Variants in HEMK2 observed in about 807,000 individuals in gnomAD.
HEMK2 encodes the protein HemK methyltransferase 2, ETF1 glutamine and histone H4 lysine, also known as methyltransferase HEMK2.
the HEMK2 span, among the ~76,000 whole-genome samples, chr21:28,644,076 A>C: frequency 6.6e-6 from 1 of 152,182 alleles, no homozygotes; most frequent in African/African-American, 2.4e-5. Context: ...ATCTGTTCTC[A>C]CATTACTATA....
At chr21:28,718,385 A>G in the HEMK2 span, among the ~76,000 whole-genome samples, 229 of 152,302 alleles carry the variant, frequency 1.5e-3, no homozygotes, top group African/African-American at 4.9e-3. Context: ...AATGAGAAGA[A>G]TGTATATTCT....
At chr21:28,657,967 T>G in the HEMK2 span, among the ~76,000 whole-genome samples, 1 of 151,990 alleles carries the variant, frequency 6.6e-6, no homozygotes, top group Non-Finnish European at 1.5e-5. Flanking sequence ...ACCTCAAATT[T>G]TGAATAAATG....
At chr21:28,688,774 C>T in the HEMK2 span, among the ~76,000 whole-genome samples, 1 of 152,070 alleles carries the variant, frequency 6.6e-6, no homozygotes, top group South Asian at 2.1e-4. Context: ...ATTTTGTTTA[C>T]TTTTATATAA....
At chr21:28,756,524 A>C in the HEMK2 span, among the ~76,000 whole-genome samples, 8 of 152,266 alleles carry the variant, frequency 5.3e-5, no homozygotes, top group East Asian at 1.2e-3. Flanking sequence ...CTCACCTTGT[A>C]TTATAAAACA....
the HEMK2 span, among the ~76,000 whole-genome samples, chr21:28,609,563 C>T: frequency 9.2e-6 from 1 of 109,268 alleles, no homozygotes; most frequent in South Asian, 2.8e-4. Context: ...CTCTGAATTG[C>T]CAGGAAAAAA....
the HEMK2 span, among the ~76,000 whole-genome samples, chr21:28,831,481 A>G: frequency 1.8e-5 from 1 of 55,912 alleles, no homozygotes; most frequent in Non-Finnish European, 3.3e-5. Flanking sequence ...GAAAGAAAGA[A>G]AGAAAGAAAG....
At chr21:28,728,090 G>T in the HEMK2 span, among the ~76,000 whole-genome samples, 1 of 152,176 alleles carries the variant, frequency 6.6e-6, no homozygotes, top group Non-Finnish European at 1.5e-5. Context: ...TCCAGAACTA[G>T]AAAATAATAA....
At chr21:28,877,140 A>G in the HEMK2 span, among the ~76,000 whole-genome samples, 29 of 114,450 alleles carry the variant, frequency 2.5e-4, no homozygotes, top group African/African-American at 8.2e-4. Context: ...AAGAGAAGAG[A>G]AGAGAGAGAG....
chr21:28,673,949 A>G, the HEMK2 span, among the ~76,000 whole-genome samples: 2 of 152,182 alleles, frequency 1.3e-5, no homozygotes, highest in Non-Finnish European at 2.9e-5. Context: ...TCTTAAATAG[A>G]AGCTGGGTAA....
the HEMK2 span, among the ~76,000 whole-genome samples, chr21:28,855,749 C>T: frequency 1.3e-5 from 2 of 152,188 alleles, no homozygotes. Flanking sequence ...ATTAAACAAT[C>T]TGCTTCTGAA....
At chr21:28,874,758 T>A in the HEMK2 span, 2 of 152,264 alleles carry the variant, frequency 1.3e-5, no homozygotes, top group Non-Finnish European at 2.9e-5. Context: ...ACATACTTCA[T>A]CTCCAAATTT....
the HEMK2 span, among the ~76,000 whole-genome samples, chr21:28,784,413 T>G: frequency 1.3e-5 from 2 of 151,818 alleles, no homozygotes; most frequent in Non-Finnish European, 2.9e-5. Flanking sequence ...ATCAGTGCTC[T>G]GTGTCTAGCT....
At chr21:28,774,799 C>T in the HEMK2 span, among the ~76,000 whole-genome samples, 1 of 152,096 alleles carries the variant, frequency 6.6e-6, no homozygotes, top group Admixed American at 6.6e-5. Context: ...TTTGAATCTA[C>T]ATTATGTATT....
the HEMK2 span, among the ~76,000 whole-genome samples, chr21:28,642,874 G>A: frequency 5.3e-5 from 8 of 152,122 alleles, no homozygotes; most frequent in South Asian, 4.1e-4. Context: ...TTGCTCTGCC[G>A]GCTAATGTCT....
At chr21:28,777,730 T>C in the HEMK2 span, among the ~76,000 whole-genome samples, 3 of 152,200 alleles carry the variant, frequency 2.0e-5, no homozygotes, top group Admixed American at 2.0e-4. Flanking sequence ...AAAAACATTC[T>C]TGTCCTCCAA....
chr21:28,688,684 C>G, the HEMK2 span, among the ~76,000 whole-genome samples: 3 of 152,202 alleles, frequency 2.0e-5, no homozygotes, highest in South Asian at 6.2e-4. Flanking sequence ...CAGATATGTA[C>G]ACTACAGATG....
chr21:28,697,511 C>T, the HEMK2 span, among the ~76,000 whole-genome samples: 1 of 152,198 alleles, frequency 6.6e-6, no homozygotes, highest in African/African-American at 2.4e-5. Context: ...ATCTGCCTGT[C>T]TTCTTCTGAG....
At chr21:28,644,394 G>A in the HEMK2 span, among the ~76,000 whole-genome samples, 1 of 152,040 alleles carries the variant, frequency 6.6e-6, no homozygotes, top group African/African-American at 2.4e-5. Context: ...CACAATTCCA[G>A]GTAAGATTTT....
the HEMK2 span, among the ~76,000 whole-genome samples, chr21:28,728,597 T>C: frequency 6.6e-6 from 1 of 152,104 alleles, no homozygotes; most frequent in African/African-American, 2.4e-5. Context: ...GGTGGAAAAG[T>C]ATTAGCTTAA....
Sources: gnomAD v4.1 joint callset for allele counts (sites outside exome capture counted in the v4.1 genomes callset) on GRCh38, gnomAD v4.1.1 for gene constraint, MANE v1.5 for transcripts, NCBI Gene and HGNC (gene_info 2026-07-23, HGNC 2026-07-21) for gene names.